NID2: variants seen among roughly 807,000 people sequenced by gnomAD.
NID2 encodes nidogen 2, also known as nidogen-2.
In NID2, 83 loss-of-function variants were observed where a neutral mutation model predicts 145.4. That is an observed-to-expected ratio of 0.57 (90% CI 0.48 to 0.69). The LOEUF (loss-of-function observed/expected upper bound fraction) is 0.69. Ranked by LOEUF, NID2 falls within the 30% of genes least tolerant of loss-of-function variation. The probability of loss-of-function intolerance (pLI) is 0.00; values close to 1 mark genes in which losing one functional copy is unlikely to be tolerated. For missense variants in NID2, 1,807 were observed against 1,765.7 expected (o/e 1.02, Z -0.42); for synonymous variants, 739 against 701.3 (o/e 1.05, Z -0.85).
In NID2 at chr14:52,030,618, G is replaced by GAA. The variant is rs1404211389; in HGVS notation, c.2258-930_2258-929dup. ...AGAAAGAAAGAAAGAGAAAGAAAAA[G>GAA]AAAGAAAGAGAAAGAAAGAGAAAGA... On this transcript the variant is annotated intron_variant, in intron 9 of 21. Transcript: ENST00000216286. Among the ~76,000 whole-genome samples, 72 of 94,216 alleles carry GAA rather than the reference G, an allele frequency of 7.6e-4. 3 individuals carry two copies. Among genetic ancestry groups the GAA allele is most frequent in the East Asian group, 4.1e-3 (5 of 1,206 alleles). The allele number at this position is 94,216 out of a possible 152,430, so 61.8% of individuals were successfully genotyped here.
At position 52,006,633 on chromosome 14, in the gene NID2, G is replaced by C; in HGVS notation, c.3908C>G (p.Pro1303Arg). The change falls in exon 20 of 22, where the codon CCT becomes CGT. Residue 1303 changes from proline to arginine, a missense_variant. Coordinates refer to ENST00000216286, the MANE Select transcript of NID2 (RefSeq NM_007361.4). ...AATGACACGCCGTCCAGTTCCATCAGGTAGTGTACACTCCAGTTTTTTGGT... is the reference window on the plus strand; with the variant it reads ...AATGACACGCCGTCCAGTTCCATCACGTAGTGTACACTCCAGTTTTTTGGT... ...AGTKKLECTL[P>R]DGTGRRVIQN... The C allele has an allele frequency of 1.2e-6, 2 of 1,613,806 alleles. No homozygotes were observed. Among genetic ancestry groups the C allele is most frequent in the Non-Finnish European group, 1.7e-6 (2 of 1,179,738 alleles).
chr14:52,018,280 A>G (rs1196533147), intron 14 of NID2, among the ~76,000 whole-genome samples: 1 of 152,268 alleles, frequency 6.6e-6, no homozygotes, highest in Non-Finnish European at 1.5e-5. Flanking sequence ...CTAAAACGGT[A>G]TCAAGCCAAT....
At chr14:52,050,562 G>A (rs1892648939) in intron 5 of NID2, among the ~76,000 whole-genome samples, 1 of 152,140 alleles carries the variant, frequency 6.6e-6, no homozygotes, top group South Asian at 2.1e-4. Flanking sequence ...GTATTTCCAA[G>A]CTCAGTTTCC....
chr14:52,005,646 A>T (rs1475528508), intron 21 of NID2, 91 bp downstream of exon 21: 18 of 1,353,596 alleles, frequency 1.3e-5, no homozygotes, highest in Middle Eastern at 1.8e-4. Context: ...CAATGGTGGC[A>T]GTGTCACAGG....
At chr14:52,033,892 G>C (rs967718943) in intron 9 of NID2, among the ~76,000 whole-genome samples, 1 of 152,106 alleles carries the variant, frequency 6.6e-6, no homozygotes, top group African/African-American at 2.4e-5. Flanking sequence ...AAGGGTGTGC[G>C]TACTGGAGCC....
At position 52,029,423 on chromosome 14, in the gene NID2, G is replaced by A. The variant is rs2140376745; in HGVS notation, c.2401+124C>T. 9 of 897,584 alleles carry A rather than the reference G, an allele frequency of 1.0e-5. No individual in the cohort carries two copies. The South Asian group carries it at 1.9e-4, about 19-fold the overall frequency. The allele number at this position is 897,584 out of a possible 1,614,324, so 55.6% of individuals were successfully genotyped here. A position where few individuals can be genotyped will look rare whatever the true frequency, so the allele number is the denominator to read the frequency against. ...AATAACTATATTCAGATTAACAGCT[G>A]CTAAAATCATTGACAATGGAGGTTG... is the stretch of plus-strand genomic sequence containing the variant. On this transcript the variant is annotated intron_variant, in intron 10 of 21. Coordinates refer to ENST00000216286, the MANE Select transcript of NID2 (RefSeq NM_007361.4).
At chr14:52,066,301 T>C (rs1001634129) in intron 2 of NID2, among the ~76,000 whole-genome samples, 1 of 148,346 alleles carries the variant, frequency 6.7e-6, no homozygotes, top group Non-Finnish European at 1.5e-5. Flanking sequence ...CAGGGGAAGG[T>C]GGACACAGTT....
Position 52,068,932 on chromosome 14 carries a change from C to G in NID2, c.63G>C (p.Leu21=). ...CCGCGGCCCGCAACATTAGCAACGG[C>G]AGCAGCAGTAGCACTGGTAACGACG... ...VLSSLPVLLL[L]PLLMLRAAAL... The change falls in exon 1 of 22, where the codon CTG becomes CTC. Residue 21 remains leucine (L), a synonymous_variant. Coordinates refer to ENST00000216286, the MANE Select transcript of NID2 (RefSeq NM_007361.4). 6.2e-7 allele frequency: 1 copy of G among 1,613,718 alleles called. No homozygotes were observed. The highest frequency in any genetic ancestry group is 1.3e-5 in the African/African-American group (1 of 75,066).
Position 52,060,287 on chromosome 14 carries a change from T to C in NID2, c.604A>G (p.Asn202Asp), listed in dbSNP as rs141882070. ...CGGGTTCCAAGGAACTGCAGGCCGT[T>C]GGCAGGATAAAGAAAGAGGGCGTAG... The part of the protein sequence containing the change: ...DSYALFLYPA[N>D]GLQFLGTRPK... The change falls in exon 3 of 22, where the codon AAC (asparagine) becomes GAC (aspartate). Residue 202 changes from asparagine to aspartate, a missense_variant. By Grantham distance (23) the Asn-to-Asp change is conservative. Transcript: ENST00000216286. 3,235 of 1,610,890 alleles carry C rather than the reference T, an allele frequency of 2.0e-3. 110 individuals are homozygous for C. The Admixed American group carries it at 0.05, about 25-fold the overall frequency.
rs565879359 is a variant in NID2 at position 52,028,820 on chromosome 14, C to A, written c.2432G>T (p.Arg811Leu). The A allele has an allele frequency of 1.2e-6, 2 of 1,613,346 alleles. No individual in the cohort carries two copies. The highest frequency in any genetic ancestry group is 1.7e-6 in the Non-Finnish European group (2 of 1,179,748). ...GATACATACAGAGTTGGGGCCACAG[C>A]GATGAAAGCCAGTTGCACATTCATT... Reference protein sequence around the residue: ...DENECATGFHRCGPNSVCINL... With the variant: ...DENECATGFHLCGPNSVCINL... Residue 811 changes from arginine (R) to leucine (L), a missense_variant, in exon 11 of 22, where the codon CGC (arginine) becomes CTC (leucine). Transcript: ENST00000216286.
chr14:52,051,190 GAA>G (rs3837606), intron 5 of NID2, among the ~76,000 whole-genome samples: 2 of 151,880 alleles, frequency 1.3e-5, no homozygotes. Context: ...TCCCTAAGGG[GAA>G]AAAAATGTAA....
chr14:52,010,199 C>A (rs1325413420), intron 18 of NID2: 1 of 152,152 alleles, frequency 6.6e-6, no homozygotes, highest in Non-Finnish European at 1.5e-5. Flanking sequence ...AAAGCACTTA[C>A]CTGAAAATTA....
In NID2 at chr14:52,042,901, G is replaced by A. The variant is rs769405172; in HGVS notation, c.1460C>T (p.Thr487Ile). 1.9e-6 allele frequency: 3 copies of A among 1,614,190 alleles called. No homozygotes were observed. The Admixed American group carries it at 5.0e-5, about 27-fold the overall frequency. ...VFTYNAANKE[T>I]CEHNHRQCSR... ...GCATTGTCTGTGGTTGTGTTCACAG[G>A]TTTCCTTGTTGGCAGCATTATACGT... is the stretch of plus-strand genomic sequence containing the variant. Residue 487 changes from threonine (T) to isoleucine (I), a missense_variant, in exon 6 of 22, where the codon ACC becomes ATC. Physicochemically the swap from Thr to Ile is moderately conservative, Grantham distance 89. Coordinates refer to ENST00000216286, the MANE Select transcript of NID2 (RefSeq NM_007361.4).
intron 5 of NID2, among the ~76,000 whole-genome samples, chr14:52,045,557 A>AAT (rs1555365215): frequency 0.5 from 63,917 of 127,564 alleles, 14,078 homozygotes; most frequent in Middle Eastern, 0.54. Flanking sequence ...AAGGCAGAAA[A>AAT]AAAAAAAAAA....
intron 3 of NID2, among the ~76,000 whole-genome samples, chr14:52,056,986 G>A (rs868854106): frequency 2.6e-5 from 4 of 152,170 alleles, no homozygotes; most frequent in African/African-American, 4.8e-5. Flanking sequence ...GCTCACAGTT[G>A]TGAGACAAAT....
chr14:52,013,194 G>T (rs780129431), intron 16 of NID2, among the ~76,000 whole-genome samples: 1 of 152,102 alleles, frequency 6.6e-6, no homozygotes, highest in Non-Finnish European at 1.5e-5. Flanking sequence ...AATAACCCAC[G>T]TCCCATTTCT....
intron 14 of NID2, among the ~76,000 whole-genome samples, chr14:52,018,486 G>A (rs1361848434): frequency 6.6e-6 from 1 of 152,194 alleles, no homozygotes; most frequent in African/African-American, 2.4e-5. Flanking sequence ...CAGGTTGTAT[G>A]GGCTAACAGA....
intron 9 of NID2, among the ~76,000 whole-genome samples, chr14:52,033,426 T>C (rs1023079199): frequency 2.0e-4 from 30 of 152,156 alleles, no homozygotes; most frequent in African/African-American, 7.0e-4. Context: ...AAAAAACAGC[T>C]GACTCACACT....
At chr14:52,045,182 G>C (rs1374765885) in intron 5 of NID2, among the ~76,000 whole-genome samples, 1 of 152,136 alleles carries the variant, frequency 6.6e-6, no homozygotes, top group Non-Finnish European at 1.5e-5. Context: ...TATAAACTGG[G>C]TTTAATGGTA....
Sources: allele counts gnomAD v4.1 joint callset (sites outside exome capture counted in the v4.1 genomes callset), GRCh38; gene constraint gnomAD v4.1.1; transcripts MANE v1.5; gene names NCBI Gene and HGNC (gene_info 2026-07-23, HGNC 2026-07-21).